SYNPO: variants seen among roughly 807,000 people sequenced by gnomAD.
SYNPO encodes the protein synaptopodin.
SYNPO carries 19 observed loss-of-function variants against 49.5 expected under a neutral mutation model. The observed-to-expected ratio is 0.38, with a 90% CI of 0.27 to 0.56. The LOEUF (loss-of-function observed/expected upper bound fraction) is 0.56, where lower values mean the gene tolerates loss of function less well. Ranked by LOEUF, SYNPO falls within the 20% of genes least tolerant of loss-of-function variation. SYNPO has a pLI of 0.68. For synonymous variants in SYNPO, 536 were observed against 548.0 expected (o/e 0.98, Z 0.31); for missense variants, 1,131 against 1,248.3 (o/e 0.91, Z 1.42).
chr5:150,640,943 C>A, intron 1 of SYNPO, 89 bp downstream of exon 1: 1 of 702,138 alleles, frequency 1.4e-6, no homozygotes, highest in Non-Finnish European at 1.8e-6. Context: ...CTTAGTCTGT[C>A]CTCTGGGCAT....
At chr5:150,631,350 C>G (rs550158957) in intron 2 of SYNPO, among the ~76,000 whole-genome samples, 1 of 152,286 alleles carries the variant, frequency 6.6e-6, no homozygotes, top group African/African-American at 2.4e-5. Context: ...GACCTGTGAA[C>G]AGACCTGAAG....
intron 1 of SYNPO, among the ~76,000 whole-genome samples, chr5:150,617,363 T>G (rs1757009973): frequency 6.6e-6 from 1 of 152,146 alleles, no homozygotes; most frequent in Non-Finnish European, 1.5e-5. Flanking sequence ...TGGGGCGATC[T>G]CGGTTCACTG....
At chr5:150,646,586 A>C (rs1169064880) in intron 1 of SYNPO, among the ~76,000 whole-genome samples, 1 of 151,924 alleles carries the variant, frequency 6.6e-6, no homozygotes, top group Admixed American at 6.6e-5. Context: ...TTAGCTGAGC[A>C]TGGTGGCATA....
At chr5:150,655,205 T>G (rs1008981941) in intron 2 of SYNPO, among the ~76,000 whole-genome samples, 1 of 152,258 alleles carries the variant, frequency 6.6e-6, no homozygotes, top group African/African-American at 2.4e-5. Flanking sequence ...AAATCTAAAC[T>G]TATATAAAAA....
At position 150,648,511 on chromosome 5, in the gene SYNPO, C is replaced by T. The variant is rs761471013; in HGVS notation, c.236C>T (p.Thr79Met). Residue 79 changes from threonine to methionine, a missense_variant, in exon 2 of 3, where the codon ACG (threonine) becomes ATG (methionine). Coordinates refer to ENST00000307662, the MANE Select transcript of SYNPO (RefSeq NM_007286.6). The surrounding 1 kb of genome is among the most constrained non-coding windows in gnomAD (Gnocchi z 5.0). ...CAAAACCTTGCCTCGCCCAGTGCCA[C>T]GCTCACCACACCAACTTCTAACAGC... is the stretch of plus-strand genomic sequence containing the variant. ...VNQNLASPSA[T>M]LTTPTSNSSH... 1.4e-5 allele frequency: 22 copies of T among 1,614,094 alleles called. No individual in the cohort carries two copies. Among genetic ancestry groups the T allele is most frequent in the Middle Eastern group, 1.6e-4 (1 of 6,084 alleles).
chr5:150,635,341 G>A (rs575357381), intron 2 of SYNPO, among the ~76,000 whole-genome samples: 133 of 152,354 alleles, frequency 8.7e-4, no homozygotes, highest in African/African-American at 2.8e-3. Context: ...TGCTGCTGCC[G>A]GCTGGAGCCT....
At position 150,656,604 on chromosome 5, in the gene SYNPO, G is replaced by A. The variant is rs1758563432; in HGVS notation, c.2229G>A (p.Glu743=). ...GCTCGGTGTCCCCGCTGCGACCTGA[G>A]ACCGAGGCGCGGCCCCCCAGCCGCC... ...SERSVSPLRP[E]TEARPPSRQL... The change falls in exon 3 of 3, where the codon GAG becomes GAA. Residue 743 remains glutamate (E), a synonymous_variant. Coordinates refer to ENST00000307662, the MANE Select transcript of SYNPO (RefSeq NM_007286.6). 1.3e-6 allele frequency: 2 copies of A among 1,516,316 alleles called. No homozygotes were observed. Among genetic ancestry groups the A allele is most frequent in the African/African-American group, 2.9e-5 (2 of 69,892 alleles). The allele number at this position is 1,516,316 out of a possible 1,614,324, so 93.9% of individuals were successfully genotyped here. A position where few individuals can be genotyped will look rare whatever the true frequency, so the allele number is the denominator to read the frequency against.
intron 2 of SYNPO, chr5:150,652,931 A>G (rs1758440445): frequency 6.6e-6 from 1 of 152,066 alleles, no homozygotes. Flanking sequence ...ACCTCTTCCA[A>G]TCTCTGGGCC....
chr5:150,613,193 G>T (rs1186764399), intron 1 of SYNPO, among the ~76,000 whole-genome samples: 3 of 152,144 alleles, frequency 2.0e-5, no homozygotes, highest in Non-Finnish European at 4.4e-5. Flanking sequence ...ATGCCTGCTG[G>T]TCTGGCCATG....
At chr5:150,640,337 G>A (rs1161808915), upstream of SYNPO, among the ~76,000 whole-genome samples, 1 of 152,172 alleles carries the variant, frequency 6.6e-6, no homozygotes, top group Non-Finnish European at 1.5e-5. Flanking sequence ...CTGTGCAAAC[G>A]CTGCTTTGCA....
chr5:150,597,505 T>A (rs899526179), upstream of SYNPO, among the ~76,000 whole-genome samples: 3 of 151,844 alleles, frequency 2.0e-5, no homozygotes, highest in Non-Finnish European at 2.9e-5. Flanking sequence ...CTAATTTTTT[T>A]ATATTTTTAG....
upstream of SYNPO, among the ~76,000 whole-genome samples, chr5:150,597,039 A>G (rs1756438187): frequency 1.3e-5 from 2 of 152,204 alleles, no homozygotes; most frequent in Admixed American, 1.3e-4. Flanking sequence ...CTGTGTCTCA[A>G]TAAACCTCCC....
In SYNPO at chr5:150,657,166, C is replaced by T. The variant is rs755745118; in HGVS notation, c.*79C>T. Reference sequence around the variant, plus strand: ...GACCTGGGGGACCCAAAGGGTCTGGCCTCTTTGGGCAGCCCCAGAGATGAG... The same window carrying T: ...GACCTGGGGGACCCAAAGGGTCTGGTCTCTTTGGGCAGCCCCAGAGATGAG... On this transcript the variant is annotated 3_prime_UTR_variant, in exon 3 of 3. Coordinates refer to ENST00000307662, the MANE Select transcript of SYNPO (RefSeq NM_007286.6). The T allele has an allele frequency of 7.0e-7, 1 of 1,427,946 alleles. No homozygotes were observed. Among genetic ancestry groups the T allele is most frequent in the Non-Finnish European group, 9.4e-7 (1 of 1,067,758 alleles). 88.5% of individuals were successfully genotyped at this position (1,427,946 alleles called of 1,614,324 possible).
chr5:150,623,146 T>C (rs150483870), intron 2 of SYNPO, among the ~76,000 whole-genome samples: 1 of 152,284 alleles, frequency 6.6e-6, no homozygotes, highest in Non-Finnish European at 1.5e-5. Context: ...TAGGCACACT[T>C]TCTCACACAA....
chr5:150,598,192 A>C (rs1469762885), upstream of SYNPO, among the ~76,000 whole-genome samples: 1 of 152,054 alleles, frequency 6.6e-6, no homozygotes, highest in East Asian at 1.9e-4. Flanking sequence ...CTGAGAGTTT[A>C]ACCAGGACCT....
chr5:150,612,604 C>T (rs552482962), intron 1 of SYNPO, among the ~76,000 whole-genome samples: 3 of 152,158 alleles, frequency 2.0e-5, no homozygotes, highest in Admixed American at 6.5e-5. Flanking sequence ...GGCAAGTCAT[C>T]GCAGCTCCAT....
intron 1 of SYNPO, among the ~76,000 whole-genome samples, chr5:150,603,534 G>T (rs1270746149): frequency 6.6e-6 from 1 of 152,252 alleles, no homozygotes. Context: ...ATATTCATTG[G>T]TGATTTGTCT....
rs146345840 is a variant in SYNPO at position 150,649,089 on chromosome 5, C to T, written c.814C>T (p.Pro272Ser). 6.6e-3 allele frequency: 10,669 copies of T among 1,613,852 alleles called. 56 individuals are homozygous for T. The highest frequency in any genetic ancestry group is 8.1e-3 in the Non-Finnish European group (9,498 of 1,179,824). The change falls in exon 2 of 3, where the codon CCC (proline) becomes TCC (serine). Residue 272 changes from proline (P) to serine (S), a missense_variant. Physicochemically the swap from Pro to Ser is moderately conservative, Grantham distance 74. This residue lies in a region of SYNPO where 602 missense variants were observed against 720.7 expected (regional missense o/e 0.84). Transcript: ENST00000307662. ...RRHFGEKAPA[P>S]QPPSLPDRSP... Reference sequence around the variant, plus strand: ...ACATTTTGGGGAGAAGGCCCCGGCTCCCCAGCCCCCCAGTTTGCCAGACAG... The same window carrying T: ...ACATTTTGGGGAGAAGGCCCCGGCTTCCCAGCCCCCCAGTTTGCCAGACAG...
chr5:150,600,178 A>C (rs1259567589), upstream of SYNPO, among the ~76,000 whole-genome samples: 3 of 152,194 alleles, frequency 2.0e-5, no homozygotes, highest in Non-Finnish European at 2.9e-5. Context: ...CTGAACTGTA[A>C]AGGAGGGAGG....
Sources: gnomAD v4.1 joint callset for allele counts (sites outside exome capture counted in the v4.1 genomes callset) on GRCh38, gnomAD v4.1.1 for gene constraint, gnomAD v4.1.1 regional missense constraint, Gnocchi (gnomAD v3.1) non-coding constraint, MANE v1.5 for transcripts, NCBI Gene and HGNC (gene_info 2026-07-23, HGNC 2026-07-21) for gene names.